EIF4G3: variants seen among roughly 807,000 people sequenced by gnomAD.
EIF4G3 encodes the protein eukaryotic translation initiation factor 4 gamma 3.
Under a neutral mutation model 186.4 loss-of-function variants are expected in EIF4G3, and 34 were observed. The observed-to-expected ratio is 0.18, with a 90% CI of 0.14 to 0.24. The LOEUF (loss-of-function observed/expected upper bound fraction) is 0.24, where lower values mean the gene tolerates loss of function less well. Ranked by LOEUF, EIF4G3 falls within the 10% of genes least tolerant of loss-of-function variation. The pLI, the probability that EIF4G3 is intolerant of heterozygous loss-of-function variation, is 1.00. For synonymous variants in EIF4G3, 673 were observed against 679.5 expected (o/e 0.99, Z 0.15); for missense variants, 1,536 against 1,948.5 (o/e 0.79, Z 3.99).
chr1:20,855,747 T>C (rs1424550256), intron 25 of EIF4G3, among the ~76,000 whole-genome samples: 1 of 152,228 alleles, frequency 6.6e-6, no homozygotes, highest in African/African-American at 2.4e-5. Context: ...AATATATATG[T>C]TGCTATGCTA....
At chr1:20,986,727 C>T (rs1201412916) in intron 7 of EIF4G3, among the ~76,000 whole-genome samples, 4 of 108,536 alleles carry the variant, frequency 3.7e-5, no homozygotes, top group Non-Finnish European at 5.0e-5. Flanking sequence ...CCAGCCTGGG[C>T]GACAGAGCTC....
chr1:20,983,957 A>G (rs146128937), intron 7 of EIF4G3, among the ~76,000 whole-genome samples: 25 of 152,292 alleles, frequency 1.6e-4, no homozygotes, highest in Admixed American at 6.5e-4. Flanking sequence ...TCTTACCACT[A>G]TTTTCCAGCT....
chr1:21,166,747 AAAAT>A (rs1294690002), intron 2 of EIF4G3, among the ~76,000 whole-genome samples: 6 of 152,026 alleles, frequency 3.9e-5, no homozygotes, highest in African/African-American at 1.4e-4. Context: ...ATAAATAAAT[AAAAT>A]AAATAAATGA....
intron 3 of EIF4G3, among the ~76,000 whole-genome samples, chr1:21,063,279 C>CTGGAAGGGTT (rs2095029323): frequency 6.6e-6 from 1 of 152,054 alleles, no homozygotes; most frequent in African/African-American, 2.4e-5. Context: ...TGAGAAGAAT[C>CTGGAAGGGTT]TGGAAGGGTT....
intron 2 of EIF4G3, among the ~76,000 whole-genome samples, chr1:21,141,968 C>T (rs976293964): frequency 1.3e-5 from 2 of 152,038 alleles, no homozygotes; most frequent in African/African-American, 4.8e-5. Context: ...TCAGTACCAC[C>T]CAAAGATTCA....
At position 20,981,203 on chromosome 1, in the gene EIF4G3, G is replaced by A. The variant is rs1307594688; in HGVS notation, c.223C>T (p.Pro75Ser). 6.2e-7 allele frequency: 1 copy of A among 1,608,804 alleles called. No individual in the cohort carries two copies. Among genetic ancestry groups the A allele is most frequent in the South Asian group, 1.1e-5 (1 of 90,142 alleles). Reference sequence around the variant, plus strand: ...CTGTTCGGGATGGTAGCTCTAGGAGGCTGTATTTGAGGCCTCTGGAAAAAC... The same window carrying A: ...CTGTTCGGGATGGTAGCTCTAGGAGACTGTATTTGAGGCCTCTGGAAAAAC... Reference protein sequence around the residue: ...IQFFQRPQIQPPRATIPNSSP... With the variant: ...IQFFQRPQIQSPRATIPNSSP... Residue 75 changes from proline (P) to serine (S), a missense_variant, in exon 9 of 37, where the codon CCT becomes TCT. Transcript: ENST00000602326.
At chr1:20,886,179 T>C in intron 19 of EIF4G3, 22 bp downstream of exon 19, 1 of 1,590,900 alleles carries the variant, frequency 6.3e-7, no homozygotes, top group Non-Finnish European at 8.5e-7. Context: ...AAAAGAATGT[T>C]AGGATATGCT....
At chr1:21,165,506 T>C (rs1015653073) in intron 2 of EIF4G3, among the ~76,000 whole-genome samples, 1 of 152,156 alleles carries the variant, frequency 6.6e-6, no homozygotes, top group African/African-American at 2.4e-5. Flanking sequence ...ACTCAATAAT[T>C]TTAAAAATGA....
intron 15 of EIF4G3, 109 bp from the exon 16 acceptor site, chr1:20,900,052 G>A (rs2089755882): frequency 2.6e-6 from 3 of 1,137,906 alleles, no homozygotes; most frequent in Non-Finnish European, 2.5e-6. Flanking sequence ...GTCATTCAAG[G>A]TAAGAATGTC....
At chr1:21,072,023 G>A (rs143337907) in intron 3 of EIF4G3, among the ~76,000 whole-genome samples, 3 of 152,166 alleles carry the variant, frequency 2.0e-5, no homozygotes, top group African/African-American at 7.2e-5. Context: ...AATGAACAAT[G>A]GGTCTAATAA....
In EIF4G3 at chr1:20,999,090, T is replaced by C. The variant is rs563488870; in HGVS notation, c.145-1457A>G. Among the ~76,000 whole-genome samples the C allele has an allele frequency of 1.2e-3, 190 of 152,284 alleles. 1 individual carries two copies. The highest frequency in any genetic ancestry group is 4.3e-3 in the African/African-American group (180 of 41,574). ...ATTACAGTAGAACACATGGCCACAA[T>C]GTAGGAGACAGCTGAAAACAGCTCT... On this transcript the variant is annotated intron_variant, in intron 6 of 36. Transcript: ENST00000602326.
At chr1:21,001,149 T>G (rs769904082) in intron 6 of EIF4G3, 50 bp downstream of exon 6, 1 of 470,594 alleles carries the variant, frequency 2.1e-6, no homozygotes, top group African/African-American at 2.0e-5. Context: ...AAATACTAAG[T>G]GCCAGAGGCA....
chr1:20,958,916 G>A (rs1182082155), intron 12 of EIF4G3, among the ~76,000 whole-genome samples: 1 of 151,976 alleles, frequency 6.6e-6, no homozygotes, highest in Non-Finnish European at 1.5e-5. Flanking sequence ...CAAACAAATG[G>A]AAATGCATCC....
In EIF4G3 at chr1:20,810,696, T is replaced by TA; in HGVS notation, c.4744+41_4744+42insT. On this transcript the variant is annotated intron_variant, in intron 36 of 36. Coordinates refer to ENST00000602326, the MANE Select transcript of EIF4G3 (RefSeq NM_001391906.1). The surrounding 1 kb of genome is among the most constrained non-coding windows in gnomAD (Gnocchi z 4.1). ...CTCTAAGTCCTGGCTTGGATAAATC[T>TA]CACTCATTGGTTAGATTAACTGTAA... 1.2e-6 allele frequency: 2 copies of TA among 1,600,046 alleles called. No individual in the cohort carries two copies. Among genetic ancestry groups the TA allele is most frequent in the South Asian group, 2.2e-5 (2 of 90,678 alleles).
chr1:21,027,280 C>T (rs2092261092), intron 4 of EIF4G3, among the ~76,000 whole-genome samples: 1 of 150,004 alleles, frequency 6.7e-6, no homozygotes, highest in South Asian at 2.1e-4. Context: ...GCAACCTCCA[C>T]CTCCCGGGTT....
At chr1:20,933,213 A>T (rs996834015) in intron 14 of EIF4G3, among the ~76,000 whole-genome samples, 1 of 152,198 alleles carries the variant, frequency 6.6e-6, no homozygotes, top group Non-Finnish European at 1.5e-5. Flanking sequence ...TTTTTAAAAG[A>T]TGATTTCGGC....
chr1:20,917,874 T>C lies in EIF4G3; in HGVS notation c.1664-12903A>G, dbSNP rs942968834. The stretch of plus-strand genomic sequence containing the variant: ...AACTATCAAAATACGATAATGTATG[T>C]TTACTGACATAAAAACATTTCTATG... On this transcript the variant is annotated intron_variant, in intron 14 of 36. Coordinates refer to ENST00000602326, the MANE Select transcript of EIF4G3 (RefSeq NM_001391906.1). Among the ~76,000 whole-genome samples, 4 of 152,228 alleles carry C rather than the reference T, an allele frequency of 2.6e-5. No homozygotes were observed. The South Asian group carries it at 6.2e-4, about 24-fold the overall frequency.
chr1:21,119,482 A>G lies in EIF4G3; in HGVS notation c.-271-30269T>C, dbSNP rs372069888. Among the ~76,000 whole-genome samples the G allele has an allele frequency of 5.9e-5, 9 of 152,308 alleles. No homozygotes were observed. In the East Asian group the frequency reaches 1.7e-3, roughly 29 times the overall value. On this transcript the variant is annotated intron_variant, in intron 2 of 36. Transcript: ENST00000602326. Reference sequence around the variant, plus strand: ...TTGCAAATGAATAATATAGCCCCAAAGGGCCACCATATTTTCTGGAAATCA... The same window carrying G: ...TTGCAAATGAATAATATAGCCCCAAGGGGCCACCATATTTTCTGGAAATCA...
chr1:20,972,106 T>C (rs141105520), intron 11 of EIF4G3, among the ~76,000 whole-genome samples: 2,178 of 152,298 alleles, frequency 0.014, 32 homozygotes, highest in Middle Eastern at 0.027. Context: ...TTTCTGCCAT[T>C]TGACTTTTAT....
Sources: allele counts gnomAD v4.1 joint callset (sites outside exome capture counted in the v4.1 genomes callset), GRCh38; gene constraint gnomAD v4.1.1; non-coding constraint Gnocchi (gnomAD v3.1); transcripts MANE v1.5; gene names NCBI Gene and HGNC (gene_info 2026-07-23, HGNC 2026-07-21).